Variants in KCNMA1 observed in about 807,000 individuals in gnomAD.
KCNMA1 encodes the protein Calcium-activated potassium channel subunit alpha-1.
A neutral mutation model predicts 140.0 loss-of-function variants in KCNMA1; 29 were observed. The ratio of observed to expected loss-of-function variants is 0.21; its 90% CI spans 0.15 to 0.28. KCNMA1 has a LOEUF of 0.28. Ranked by LOEUF, KCNMA1 falls within the 10% of genes least tolerant of loss-of-function variation. KCNMA1 has a pLI of 1.00. For synonymous variants in KCNMA1, 612 were observed against 611.9 expected (o/e 1.00, Z 0.00); for missense variants, 880 against 1,602.2 (o/e 0.55, Z 7.70).
At chr10:77,485,033 C>G (rs763559387) in intron 1 of KCNMA1, among the ~76,000 whole-genome samples, 1 of 152,160 alleles carries the variant, frequency 6.6e-6, no homozygotes, top group Non-Finnish European at 1.5e-5. Context: ...TGTTCTAAGC[C>G]AATTTACTCT....
chr10:77,099,672 C>A (rs2097045450), intron 9 of KCNMA1, among the ~76,000 whole-genome samples: 1 of 150,880 alleles, frequency 6.6e-6, no homozygotes, highest in African/African-American at 2.4e-5. Flanking sequence ...CAAGATTGCG[C>A]CATTGCACTC....
chr10:77,240,684 C>T (rs2057043696), intron 3 of KCNMA1, among the ~76,000 whole-genome samples: 1 of 152,192 alleles, frequency 6.6e-6, no homozygotes, highest in African/African-American at 2.4e-5. Flanking sequence ...CTTTGAAACA[C>T]AGGAAGATCT....
intron 16 of KCNMA1, chr10:77,020,067 C>T (rs1052952169): frequency 2.0e-5 from 3 of 152,116 alleles, no homozygotes; most frequent in African/African-American, 7.2e-5. Context: ...AGACTTCAGG[C>T]TTAATGGATA....
At chr10:77,338,351 A>C (rs956350327) in intron 2 of KCNMA1, among the ~76,000 whole-genome samples, 8 of 44,724 alleles carry the variant, frequency 1.8e-4, no homozygotes, top group Admixed American at 3.7e-4. Context: ...TCCCTGGCTC[A>C]ATTACTACAT....
At chr10:76,999,886 G>A (rs945513704) in intron 19 of KCNMA1, among the ~76,000 whole-genome samples, 1 of 152,046 alleles carries the variant, frequency 6.6e-6, no homozygotes, top group African/African-American at 2.4e-5. Context: ...AATATGGCTC[G>A]ATGCACAAAT....
chr10:77,360,847 C>T (rs913190655), intron 2 of KCNMA1, among the ~76,000 whole-genome samples: 5 of 152,096 alleles, frequency 3.3e-5, no homozygotes, highest in African/African-American at 7.2e-5. Context: ...GAGGGAGGGA[C>T]GGGTAGAATC....
chr10:76,905,538 C>T (rs144912668), intron 25 of KCNMA1, among the ~76,000 whole-genome samples: 192 of 152,336 alleles, frequency 1.3e-3, no homozygotes, highest in Admixed American at 2.7e-3. Context: ...CTACCACATT[C>T]CAACCATAAT....
At chr10:77,452,675 G>A (rs2097685993) in intron 1 of KCNMA1, among the ~76,000 whole-genome samples, 1 of 152,298 alleles carries the variant, frequency 6.6e-6, no homozygotes, top group South Asian at 2.1e-4. Flanking sequence ...ACAGCTGTAA[G>A]TTGGGGACTG....
chr10:76,927,097 A>T (rs1242214639), intron 23 of KCNMA1, among the ~76,000 whole-genome samples: 2 of 152,122 alleles, frequency 1.3e-5, no homozygotes, highest in African/African-American at 4.8e-5. Flanking sequence ...TGTCTCTTTC[A>T]TGACCCCAAA....
intron 2 of KCNMA1, among the ~76,000 whole-genome samples, chr10:77,355,000 C>T (rs978459559): frequency 4.6e-5 from 7 of 152,150 alleles, no homozygotes; most frequent in African/African-American, 1.7e-4. Flanking sequence ...GAATTGTATT[C>T]CCATAATTCC....
intron 1 of KCNMA1, among the ~76,000 whole-genome samples, chr10:77,533,259 C>T (rs1056243663): frequency 6.6e-6 from 1 of 152,110 alleles, no homozygotes; most frequent in African/African-American, 2.4e-5. Flanking sequence ...CAAGGTCAGA[C>T]ACAACCAGAG....
intron 20 of KCNMA1, among the ~76,000 whole-genome samples, chr10:76,955,283 G>A (rs187871984): frequency 8.8e-4 from 131 of 149,672 alleles, no homozygotes; most frequent in Non-Finnish European, 1.5e-3. Flanking sequence ...AAATGTCTCC[G>A]ATACTTCCCA....
intron 3 of KCNMA1, among the ~76,000 whole-genome samples, chr10:77,240,793 C>T (rs147757922): frequency 5.3e-5 from 8 of 152,256 alleles, no homozygotes; most frequent in Non-Finnish European, 8.8e-5. Flanking sequence ...TCACCAGATC[C>T]GCCTCACTCA....
chr10:77,451,907 G>A (rs927828317), intron 1 of KCNMA1, among the ~76,000 whole-genome samples: 8 of 152,266 alleles, frequency 5.3e-5, no homozygotes, highest in African/African-American at 2.4e-5. Context: ...CAGGAAACTA[G>A]GCCTAACAAG....
intron 19 of KCNMA1, among the ~76,000 whole-genome samples, chr10:76,993,750 C>T (rs545075867): frequency 2.6e-5 from 4 of 152,330 alleles, no homozygotes; most frequent in South Asian, 2.1e-4. Context: ...ATGATAGTGT[C>T]GCACTGTCTA....
intron 2 of KCNMA1, among the ~76,000 whole-genome samples, chr10:77,343,836 G>T (rs1053771608): frequency 6.6e-6 from 1 of 152,186 alleles, no homozygotes; most frequent in South Asian, 2.1e-4. Flanking sequence ...AATAATTCAT[G>T]TGTTAAGAGG....
chr10:77,545,469 T>C (rs2061227483), intron 1 of KCNMA1, among the ~76,000 whole-genome samples: 1 of 152,212 alleles, frequency 6.6e-6, no homozygotes, highest in Non-Finnish European at 1.5e-5. Context: ...CTCTGTGGGC[T>C]GGGTGGAGGG....
intron 1 of KCNMA1, among the ~76,000 whole-genome samples, chr10:77,595,279 G>A (rs1210990241): frequency 6.7e-6 from 1 of 149,272 alleles, no homozygotes; most frequent in Non-Finnish European, 1.5e-5. Context: ...CCTGGGAAGT[G>A]GAGGTTGCAG....
At position 77,336,117 on chromosome 10, in the gene KCNMA1, C is replaced by T. The variant is rs138706715; in HGVS notation, c.540+67745G>A. ...GGGAGAAACCTCCTTCATAGATGGC[C>T]AGCATCTCCCAGATATTTTTTTAAG... is the stretch of plus-strand genomic sequence containing the variant. On this transcript the variant is annotated intron_variant, in intron 2 of 27. Coordinates refer to ENST00000286628, the MANE Select transcript of KCNMA1 (RefSeq NM_001161352.2). Among the ~76,000 whole-genome samples, 6 of 151,942 alleles carry T rather than the reference C, an allele frequency of 3.9e-5. No individual in the cohort carries two copies. In the East Asian group the frequency reaches 1.2e-3, roughly 29 times the overall value.
Sources: allele counts gnomAD v4.1 joint callset (sites outside exome capture counted in the v4.1 genomes callset), GRCh38; gene constraint gnomAD v4.1.1; transcripts MANE v1.5; gene names NCBI Gene and HGNC (gene_info 2026-07-23, HGNC 2026-07-21).